ANKFY1: variants seen among roughly 807,000 people sequenced by gnomAD.
The protein encoded by ANKFY1 is ankyrin repeat and FYVE domain containing 1.
ANKFY1 carries 47 observed loss-of-function variants against 128.3 expected under a neutral mutation model. That is an observed-to-expected ratio of 0.37 (90% CI 0.29 to 0.47). The LOEUF (loss-of-function observed/expected upper bound fraction) is 0.47, where lower values mean the gene tolerates loss of function less well. ANKFY1 is among the 20% of genes least tolerant of loss of function. ANKFY1 has a pLI of 1.00. For synonymous variants in ANKFY1, 553 were observed against 601.6 expected (o/e 0.92, Z 1.18); for missense variants, 1,222 against 1,510.6 (o/e 0.81, Z 3.17).
chr17:4,256,298 G>A (rs189241354), intron 1 of ANKFY1, among the ~76,000 whole-genome samples: 1 of 152,036 alleles, frequency 6.6e-6, no homozygotes, highest in Non-Finnish European at 1.5e-5. Context: ...CGCAGTGGCG[G>A]GCGCCTGTAG....
chr17:4,238,910 C>T lies in ANKFY1; in HGVS notation c.204-3020G>A, dbSNP rs575080542. Among the ~76,000 whole-genome samples, 7 of 152,286 alleles carry T rather than the reference C, an allele frequency of 4.6e-5. No individual in the cohort carries two copies. The South Asian group carries it at 1.0e-3, about 23-fold the overall frequency. On this transcript the variant is annotated intron_variant, in intron 2 of 24. Coordinates refer to ENST00000341657, the MANE Select transcript of ANKFY1 (RefSeq NM_001330063.2). ...AGTGGCTGGGATTACAGGCATGTGC[C>T]GCTACGCCCAGCTAATTTTTGTAAT...
chr17:4,257,126 A>C (rs1178509334), intron 1 of ANKFY1, among the ~76,000 whole-genome samples: 1 of 152,070 alleles, frequency 6.6e-6, no homozygotes, highest in Non-Finnish European at 1.5e-5. Flanking sequence ...AGTCATCCAG[A>C]CCTAGAACTT....
chr17:4,263,674 G>C, intron 1 of ANKFY1: 1 of 1,531,806 alleles, frequency 6.5e-7, no homozygotes, highest in Non-Finnish European at 8.7e-7. Flanking sequence ...ACGCAGCACC[G>C]GCGCGGGACC....
At position 4,185,036 on chromosome 17, in the gene ANKFY1, G is replaced by A. The variant is rs773812790; in HGVS notation, c.1481C>T (p.Pro494Leu). The A allele has an allele frequency of 6.2e-6, 10 of 1,612,834 alleles. No homozygotes were observed. The highest frequency in any genetic ancestry group is 3.3e-5 in the South Asian group (3 of 91,048). Residue 494 changes from proline to leucine, a missense_variant, in exon 12 of 25, where the codon CCG becomes CTG. Pro to Leu is a moderately conservative substitution (Grantham distance 98, BLOSUM62 -3). Transcript: ENST00000341657. Reference sequence around the variant, plus strand: ...GCCATGCCGACACGCTGTGTGCAACGGGGTTTCTCCCTGAATGGAAACAAA... The same window carrying A: ...GCCATGCCGACACGCTGTGTGCAACAGGGTTTCTCCCTGAATGGAAACAAA... ...VNHRNKWGETPLHTACRHGLA... is the reference protein window; with the variant it reads ...VNHRNKWGETLLHTACRHGLA...
chr17:4,209,784 C>A, intron 5 of ANKFY1, 40 bp downstream of exon 5: 1 of 1,569,838 alleles, frequency 6.4e-7, no homozygotes. Flanking sequence ...CTCCTGACTG[C>A]CAGCTAGAGT....
intron 22 of ANKFY1, among the ~76,000 whole-genome samples, chr17:4,171,827 T>C (rs139603113): frequency 4.9e-4 from 75 of 152,352 alleles, no homozygotes; most frequent in African/African-American, 7.5e-4. Flanking sequence ...GACAACCCCA[T>C]GGTGACTCCA....
chr17:4,235,863 C>T lies in ANKFY1; in HGVS notation c.231G>A (p.Arg77=). ...YSDLKIKVGD[R]HISAHKFVLA... ...GGACAAACTTGTGAGCACTGATGTG[C>T]CTGTCCCCAACCTTTATCTTCAGAT... The change falls in exon 3 of 25, where the codon AGG becomes AGA. Residue 77 remains arginine, a synonymous_variant. Coordinates refer to ENST00000341657, the MANE Select transcript of ANKFY1 (RefSeq NM_001330063.2). 6.2e-7 allele frequency: 1 copy of T among 1,614,068 alleles called. No individual in the cohort carries two copies. Among genetic ancestry groups the T allele is most frequent in the Non-Finnish European group, 8.5e-7 (1 of 1,179,966 alleles).
rs2060361542 is a variant in ANKFY1 at position 4,223,398 on chromosome 17, CG to C, written c.323-6281del. 2.6e-6 allele frequency: 4 copies of C among 1,566,884 alleles called. No individual in the cohort carries two copies. The Admixed American group carries it at 5.0e-5, about 20-fold the overall frequency. On this transcript the variant is annotated intron_variant, in intron 3 of 24. Coordinates refer to ENST00000341657, the MANE Select transcript of ANKFY1 (RefSeq NM_001330063.2). ...TGTGGAATGAGCTACCTGGCCAGAA[CG>C]GAAGTCATCCACAAAGACCTGGCTG...
intron 1 of ANKFY1, among the ~76,000 whole-genome samples, chr17:4,252,178 G>A (rs1967871500): frequency 6.6e-6 from 1 of 152,234 alleles, no homozygotes; most frequent in South Asian, 2.1e-4. Context: ...ATGAAAAGAT[G>A]TGCATCATTA....
In ANKFY1 at chr17:4,179,846, C is replaced by T; in HGVS notation, c.2272G>A (p.Gly758Ser). 1 of 1,614,222 alleles carries T rather than the reference C, an allele frequency of 6.2e-7. No individual in the cohort carries two copies. The highest frequency in any genetic ancestry group is 8.5e-7 in the Non-Finnish European group (1 of 1,180,046). The change falls in exon 17 of 25, where the codon GGC becomes AGC. Residue 758 changes from glycine to serine, a missense_variant. By Grantham distance (56) the Gly-to-Ser change is moderately conservative. Transcript: ENST00000341657. ...TCTTCCTCTCCTTCTCCATTGGCGC[C>T]TGGTTGTCTGGGACTGTTCACGTCA... ...GCDVNSPRQP[G>S]ANGEGEEEAR...
chr17:4,228,856 A>G (rs1454085628), intron 3 of ANKFY1, among the ~76,000 whole-genome samples: 1 of 152,174 alleles, frequency 6.6e-6, no homozygotes, highest in African/African-American at 2.4e-5. Flanking sequence ...AAAGAAACCA[A>G]ACTGACAGGC....
At chr17:4,186,810 A>G in intron 11 of ANKFY1, 1 of 991,158 alleles carries the variant, frequency 1.0e-6, no homozygotes, top group Non-Finnish European at 1.2e-6. Context: ...TTCTGCCATT[A>G]TCTGCAAGGA....
chr17:4,240,941 A>T (rs1967177974), intron 2 of ANKFY1, among the ~76,000 whole-genome samples: 1 of 152,212 alleles, frequency 6.6e-6, no homozygotes, highest in Non-Finnish European at 1.5e-5. Context: ...CCTTACTTGT[A>T]ATACCACTGT....
chr17:4,253,990 T>C (rs1188598502), intron 1 of ANKFY1, among the ~76,000 whole-genome samples: 1 of 152,062 alleles, frequency 6.6e-6, no homozygotes, highest in Non-Finnish European at 1.5e-5. Flanking sequence ...ATGCAGCACG[T>C]AACTGTTCAT....
intron 2 of ANKFY1, among the ~76,000 whole-genome samples, chr17:4,239,647 T>G (rs1234765534): frequency 6.6e-6 from 1 of 152,100 alleles, no homozygotes; most frequent in Admixed American, 6.5e-5. Context: ...GAAGCAATTC[T>G]TCTGCCTCAA....
chr17:4,259,029 G>GAAAGCATCAGGCGCTGTGGGA (rs1419112216), intron 1 of ANKFY1, among the ~76,000 whole-genome samples: 2 of 152,200 alleles, frequency 1.3e-5, no homozygotes, highest in Non-Finnish European at 2.9e-5. Flanking sequence ...GCACCAGGGT[G>GAAAGCATCAGGCGCTGTGGGA]AAAGCATCAG....
At chr17:4,226,997 A>G (rs976455077) in intron 3 of ANKFY1, among the ~76,000 whole-genome samples, 3 of 152,180 alleles carry the variant, frequency 2.0e-5, no homozygotes. Flanking sequence ...TTTCTGAAAA[A>G]CAAAACTTCC....
intron 2 of ANKFY1, 88 bp from the exon 3 acceptor site, chr17:4,235,978 TTCA>T (rs1966886350): frequency 2.2e-6 from 2 of 891,150 alleles, no homozygotes; most frequent in Admixed American, 4.0e-5. Flanking sequence ...CACATGAGTA[TTCA>T]TCAACATACA....
intron 4 of ANKFY1, among the ~76,000 whole-genome samples, chr17:4,213,726 A>C (rs1187447210): frequency 1.3e-5 from 2 of 151,944 alleles, no homozygotes; most frequent in African/African-American, 4.8e-5. Context: ...AGCGCCTGCC[A>C]CCACGCCCAG....
Sources: allele counts gnomAD v4.1 joint callset (sites outside exome capture counted in the v4.1 genomes callset), GRCh38; gene constraint gnomAD v4.1.1; transcripts MANE v1.5; gene names NCBI Gene and HGNC (gene_info 2026-07-23, HGNC 2026-07-21).